Variants in COL25A1 observed in about 807,000 individuals in gnomAD.
COL25A1 encodes the protein collagen alpha-1(XXV) chain.
In COL25A1, 103 loss-of-function variants were observed where a neutral mutation model predicts 128.4. The ratio of observed to expected loss-of-function variants is 0.80; its 90% confidence interval spans 0.68 to 0.94. COL25A1 has a LOEUF of 0.94. Ranked by LOEUF, COL25A1 falls within the 40% of genes least tolerant of loss-of-function variation. The probability of loss-of-function intolerance (pLI) is 0.00; values close to 1 mark genes in which losing one functional copy is unlikely to be tolerated. For missense variants in COL25A1, 745 were observed against 840.0 expected (o/e 0.89, Z 1.40); for synonymous variants, 279 against 277.2 (o/e 1.01, Z -0.06).
At chr4:109,021,011 C>T (rs1757693026) in intron 5 of COL25A1, among the ~76,000 whole-genome samples, 1 of 152,188 alleles carries the variant, frequency 6.6e-6, no homozygotes, top group African/African-American at 2.4e-5. Context: ...GTTAGGGATA[C>T]ATGGTGCAAT....
intron 6 of COL25A1, among the ~76,000 whole-genome samples, chr4:109,006,728 A>G (rs1756046815): frequency 6.6e-6 from 1 of 152,168 alleles, no homozygotes; most frequent in African/African-American, 2.4e-5. Flanking sequence ...TGATAATCAA[A>G]TCTACTACAT....
At chr4:108,821,402 G>A (rs1218114772) in intron 35 of COL25A1, among the ~76,000 whole-genome samples, 2 of 152,186 alleles carry the variant, frequency 1.3e-5, no homozygotes, top group Non-Finnish European at 2.9e-5. Context: ...ACTCACTCAA[G>A]ATGGATCAAC....
intron 3 of COL25A1, among the ~76,000 whole-genome samples, chr4:109,233,207 A>G (rs6533420): frequency 0.18 from 27,668 of 152,130 alleles, 2,873 homozygotes; most frequent in East Asian, 0.3. Context: ...CACTTAGCAC[A>G]ACAGAGGAAT....
chr4:108,946,350 TAGTG>T (rs1435462555), intron 8 of COL25A1, among the ~76,000 whole-genome samples: 2 of 152,224 alleles, frequency 1.3e-5, no homozygotes, highest in African/African-American at 4.8e-5. Context: ...AGATTACAAA[TAGTG>T]AGAAGATTTT....
Position 109,239,394 on chromosome 4 carries a change from GTATATATATATA to G in COL25A1, c.367+61177_367+61188del, listed in dbSNP as rs144842941. ...TGTGTGTATGTGTGTGTGTGTGTGT[GTATATATATATA>G]TATATATATATATATATTTATTTAT... On this transcript the variant is annotated intron_variant, in intron 3 of 37. Transcript: ENST00000399132. 5.1e-5 allele frequency among the ~76,000 whole-genome samples: 6 copies of G among 116,582 alleles called. No homozygotes were observed. In the Admixed American group the frequency reaches 5.4e-4, roughly 10 times the overall value. 76.5% of individuals were successfully genotyped at this position (116,582 alleles called of 152,430 possible). A position where few individuals can be genotyped will look rare whatever the true frequency, so the allele number is the denominator to read the frequency against.
chr4:109,284,647 G>GA (rs1475480667), intron 3 of COL25A1, among the ~76,000 whole-genome samples: 1 of 152,158 alleles, frequency 6.6e-6, no homozygotes, highest in African/African-American at 2.4e-5. Flanking sequence ...TACAGAATCA[G>GA]AAGAAAACAC....
In COL25A1 at chr4:109,093,459, A is replaced by AAAAAAAAAAC. The variant is rs1553930995; in HGVS notation, c.368-43281_368-43280insGTTTTTTTTT. Among the ~76,000 whole-genome samples the AAAAAAAAAAC allele has an allele frequency of 1.4e-3, 169 of 122,050 alleles. 7 individuals carry two copies. The highest frequency in any genetic ancestry group is 4.6e-3 in the African/African-American group (163 of 35,404). The allele number at this position is 122,050 out of a possible 152,430, so 80.1% of individuals were successfully genotyped here. On this transcript the variant is annotated intron_variant, in intron 3 of 37. Coordinates refer to ENST00000399132, the MANE Select transcript of COL25A1 (RefSeq NM_198721.4). The stretch of plus-strand genomic sequence containing the variant: ...ATACAGCAAGACTCCATCTCTATGA[A>AAAAAAAAAAC]AAAAAAAAAAAAAAAAACCTTTTTT...
intron 3 of COL25A1, among the ~76,000 whole-genome samples, chr4:109,178,595 C>T (rs1435884862): frequency 6.6e-6 from 1 of 151,842 alleles, no homozygotes; most frequent in Non-Finnish European, 1.5e-5. Flanking sequence ...GAGGCCGAGG[C>T]GGGCAGATCG....
intron 3 of COL25A1, among the ~76,000 whole-genome samples, chr4:109,063,578 A>T (rs1157053580): frequency 1.3e-5 from 2 of 152,036 alleles, no homozygotes; most frequent in African/African-American, 4.8e-5. Context: ...GCAGTGGTTC[A>T]CATCTGCAAT....
chr4:109,123,405 A>G (rs1768288429), intron 3 of COL25A1, among the ~76,000 whole-genome samples: 1 of 152,072 alleles, frequency 6.6e-6, no homozygotes, highest in African/African-American at 2.4e-5. Flanking sequence ...CTCCTAAATG[A>G]AACCTTATTT....
intron 8 of COL25A1, among the ~76,000 whole-genome samples, chr4:108,956,626 G>A (rs1750104387): frequency 6.6e-6 from 1 of 152,042 alleles, no homozygotes; most frequent in Admixed American, 6.6e-5. Flanking sequence ...GACTGGTCTC[G>A]AACTCCTGAC....
At chr4:108,995,956 C>T (rs1754727546) in intron 6 of COL25A1, among the ~76,000 whole-genome samples, 1 of 152,128 alleles carries the variant, frequency 6.6e-6, no homozygotes, top group South Asian at 2.1e-4. Context: ...CTTACAAAAG[C>T]TCCTGAAGGA....
At chr4:109,111,243 TACA>T (rs987167646) in intron 3 of COL25A1, among the ~76,000 whole-genome samples, 5 of 152,184 alleles carry the variant, frequency 3.3e-5, no homozygotes, top group Admixed American at 1.3e-4. Context: ...TTGACAGCTT[TACA>T]ACAACTGTGA....
At chr4:109,263,946 A>G (rs1781615105) in intron 3 of COL25A1, among the ~76,000 whole-genome samples, 1 of 152,256 alleles carries the variant, frequency 6.6e-6, no homozygotes, top group Non-Finnish European at 1.5e-5. Flanking sequence ...TTGGCATACG[A>G]TGGTGAGCAA....
chr4:109,208,354 C>T (rs1419939713), intron 3 of COL25A1, among the ~76,000 whole-genome samples: 2 of 152,068 alleles, frequency 1.3e-5, no homozygotes, highest in Non-Finnish European at 2.9e-5. Flanking sequence ...CAAACATACA[C>T]TGAGGAGTCT....
intron 3 of COL25A1, among the ~76,000 whole-genome samples, chr4:109,296,977 C>A (rs1725042130): frequency 6.6e-6 from 1 of 152,080 alleles, no homozygotes; most frequent in African/African-American, 2.4e-5. Flanking sequence ...TAGCAAAGAG[C>A]CAACTTATTC....
chr4:109,114,431 C>G (rs1767327155), intron 3 of COL25A1, among the ~76,000 whole-genome samples: 1 of 151,850 alleles, frequency 6.6e-6, no homozygotes, highest in Non-Finnish European at 1.5e-5. Context: ...ATGACAGAAT[C>G]AAAAAGAGCC....
chr4:109,134,552 C>G (rs1230249332), intron 3 of COL25A1, among the ~76,000 whole-genome samples: 4 of 152,078 alleles, frequency 2.6e-5, no homozygotes, highest in African/African-American at 9.7e-5. Context: ...AACATTGTAA[C>G]CCATTATGAT....
chr4:109,173,864 T>A (rs554419699), intron 3 of COL25A1, among the ~76,000 whole-genome samples: 4 of 152,272 alleles, frequency 2.6e-5, no homozygotes, highest in African/African-American at 9.6e-5. Flanking sequence ...ATATTTGCAT[T>A]ATACTTACCG....
Sources: allele counts gnomAD v4.1 joint callset (sites outside exome capture counted in the v4.1 genomes callset), GRCh38; gene constraint gnomAD v4.1.1; transcripts MANE v1.5; gene names NCBI Gene and HGNC (gene_info 2026-07-23, HGNC 2026-07-21).